Variants in FMNL2 observed in about 807,000 individuals in gnomAD.
FMNL2 encodes the protein formin-like protein 2.
In FMNL2, 51 loss-of-function variants were observed where a neutral mutation model predicts 130.2. That is an observed-to-expected ratio of 0.39 (90% CI 0.31 to 0.49). The LOEUF (loss-of-function observed/expected upper bound fraction) is 0.49, where lower values mean the gene tolerates loss of function less well. Among genes scored for constraint, FMNL2 ranks in the 20% least tolerant of loss-of-function variants. The pLI is 0.85. For missense variants in FMNL2, 977 were observed against 1,316.2 expected (o/e 0.74, Z 3.99); for synonymous variants, 465 against 467.1 (o/e 1.00, Z 0.06).
rs138815187 is a variant in FMNL2 at position 152,604,209 on chromosome 2, C to G, written c.877-3130C>G. 1.3e-4 allele frequency among the ~76,000 whole-genome samples: 19 copies of G among 151,014 alleles called. 3 individuals carry two copies. In the East Asian group the frequency reaches 3.5e-3, roughly 28 times the overall value. On this transcript the variant is annotated intron_variant, in intron 9 of 25. Coordinates refer to ENST00000288670, the MANE Select transcript of FMNL2 (RefSeq NM_052905.4). ...AATGGAATATGTTTATATGGGCATT[C>G]TGGGCTATGTGGGAGAAGGAACCTC... is the stretch of plus-strand genomic sequence containing the variant.
chr2:152,548,042 A>G (rs1375782279), intron 3 of FMNL2, among the ~76,000 whole-genome samples: 1 of 152,188 alleles, frequency 6.6e-6, no homozygotes, highest in Admixed American at 6.5e-5. Context: ...ATTTACTATC[A>G]GAGGTGGATT....
At chr2:152,561,846 G>A (rs1244581484) in intron 6 of FMNL2, among the ~76,000 whole-genome samples, 1 of 152,084 alleles carries the variant, frequency 6.6e-6, no homozygotes, top group Non-Finnish European at 1.5e-5. Context: ...CCAAAGTGTT[G>A]GGATTACAGG....
intron 1 of FMNL2, among the ~76,000 whole-genome samples, chr2:152,466,759 C>G (rs555529806): frequency 2.0e-5 from 3 of 152,266 alleles, no homozygotes; most frequent in Non-Finnish European, 4.4e-5. Context: ...ACTTAGCTCT[C>G]CTTGTACTTT....
intron 1 of FMNL2, among the ~76,000 whole-genome samples, chr2:152,378,353 G>A (rs1210891444): frequency 1.3e-5 from 2 of 152,082 alleles, no homozygotes; most frequent in East Asian, 3.9e-4. Context: ...TAAGCTAACA[G>A]CATTTATACT....
At chr2:152,438,029 T>A (rs890266950) in intron 1 of FMNL2, among the ~76,000 whole-genome samples, 2 of 152,214 alleles carry the variant, frequency 1.3e-5, no homozygotes, top group Admixed American at 6.5e-5. Context: ...CATGGAAACT[T>A]TGGAAGCTGT....
At chr2:152,401,999 G>T (rs1229301427) in intron 1 of FMNL2, among the ~76,000 whole-genome samples, 1 of 137,954 alleles carries the variant, frequency 7.2e-6, no homozygotes, top group Admixed American at 8.4e-5. Flanking sequence ...TCCGCCTCCC[G>T]GGCTCACATG....
chr2:152,460,494 G>T (rs968134459), intron 1 of FMNL2, among the ~76,000 whole-genome samples: 1 of 152,170 alleles, frequency 6.6e-6, no homozygotes, highest in South Asian at 2.1e-4. Flanking sequence ...TTTTGGCCTT[G>T]TAATGAATTG....
intron 1 of FMNL2, among the ~76,000 whole-genome samples, chr2:152,415,125 G>C (rs1228248536): frequency 1.3e-5 from 2 of 151,298 alleles, no homozygotes; most frequent in African/African-American, 4.9e-5. Context: ...GCAGAGGTGT[G>C]AATCTTCTTC....
intron 1 of FMNL2, among the ~76,000 whole-genome samples, chr2:152,468,010 C>G (rs150621894): frequency 6.6e-6 from 1 of 152,324 alleles, no homozygotes; most frequent in East Asian, 1.9e-4. Flanking sequence ...CAGTTGGCCT[C>G]CAGAGCTCAG....
intron 2 of FMNL2, among the ~76,000 whole-genome samples, chr2:152,528,678 T>C (rs769097765): frequency 6.6e-6 from 1 of 152,064 alleles, no homozygotes; most frequent in Non-Finnish European, 1.5e-5. Flanking sequence ...TCACTGGTGG[T>C]TGGGGGAGGA....
At chr2:152,438,236 A>T (rs890297962) in intron 1 of FMNL2, among the ~76,000 whole-genome samples, 4 of 152,222 alleles carry the variant, frequency 2.6e-5, no homozygotes, top group Non-Finnish European at 5.9e-5. Flanking sequence ...ATAATTAGGA[A>T]ATGGTGTAAT....
intron 1 of FMNL2, among the ~76,000 whole-genome samples, chr2:152,452,361 A>G (rs920275920): frequency 3.3e-5 from 5 of 152,158 alleles, no homozygotes; most frequent in Non-Finnish European, 7.4e-5. Context: ...TTTCAGAACA[A>G]CAGAAGCTTG....
At chr2:152,367,789 G>A (rs941300026) in intron 1 of FMNL2, among the ~76,000 whole-genome samples, 2 of 152,174 alleles carry the variant, frequency 1.3e-5, no homozygotes, top group Non-Finnish European at 2.9e-5. Context: ...GGGCTTATAG[G>A]ATTTGCTCTC....
intron 1 of FMNL2, among the ~76,000 whole-genome samples, chr2:152,461,959 A>G (rs1253022844): frequency 6.6e-6 from 1 of 151,988 alleles, no homozygotes; most frequent in Non-Finnish European, 1.5e-5. Flanking sequence ...TGTGATGTGC[A>G]ATCACTGCTC....
intron 9 of FMNL2, among the ~76,000 whole-genome samples, chr2:152,596,996 A>G (rs1697805029): frequency 6.6e-6 from 1 of 152,272 alleles, no homozygotes; most frequent in Admixed American, 6.5e-5. Flanking sequence ...ATAAATTTGT[A>G]ACAACATTCA....
rs538240458 is a variant in FMNL2 at position 152,539,084 on chromosome 2, C to T, written c.202-3655C>T. The T allele has an allele frequency of 5.3e-5, 8 of 152,198 alleles. No individual in the cohort carries two copies. In the East Asian group the frequency reaches 5.8e-4, roughly 11 times the overall value. The allele number at this position is 152,198 out of a possible 1,614,324, so 9.4% of individuals were successfully genotyped here. On this transcript the variant is annotated intron_variant, in intron 2 of 25. Transcript: ENST00000288670. Reference sequence around the variant, plus strand: ...ATATCCCATGTTATTTTCAGGACCTCGTTGCCTGCTTGCTTGACATCAATG... The same window carrying T: ...ATATCCCATGTTATTTTCAGGACCTTGTTGCCTGCTTGCTTGACATCAATG...
At chr2:152,638,578 C>CCAT (rs1395251895) in intron 23 of FMNL2, among the ~76,000 whole-genome samples, 1 of 152,188 alleles carries the variant, frequency 6.6e-6, no homozygotes, top group Non-Finnish European at 1.5e-5. Context: ...TATTCTTAGC[C>CCAT]CATCTTCCCT....
chr2:152,630,760 G>A (rs963929976), intron 20 of FMNL2, among the ~76,000 whole-genome samples: 2 of 152,198 alleles, frequency 1.3e-5, no homozygotes, highest in African/African-American at 4.8e-5. Flanking sequence ...AAAAACTGGA[G>A]CATAGGAGCC....
chr2:152,377,119 A>G (rs1305793632), intron 1 of FMNL2, among the ~76,000 whole-genome samples: 1 of 152,248 alleles, frequency 6.6e-6, no homozygotes, highest in East Asian at 1.9e-4. Flanking sequence ...GGGATGAAAT[A>G]TGACAGCAAT....
Sources: gnomAD v4.1 joint callset for allele counts (sites outside exome capture counted in the v4.1 genomes callset) on GRCh38, gnomAD v4.1.1 for gene constraint, MANE v1.5 for transcripts, NCBI Gene and HGNC (gene_info 2026-07-23, HGNC 2026-07-21) for gene names.